Variants in RCL1 observed in about 807,000 individuals in gnomAD.
RCL1 encodes RNA 3'-terminal phosphate cyclase-like protein.
RCL1 carries 24 observed loss-of-function variants against 42.4 expected under a neutral mutation model. That is an observed-to-expected ratio of 0.57 (90% CI 0.41 to 0.80). RCL1 has a LOEUF of 0.80. Ranked by LOEUF, RCL1 falls within the 30% of genes least tolerant of loss-of-function variation. The pLI is 0.00. For synonymous variants in RCL1, 228 were observed against 177.3 expected, an observed-to-expected ratio of 1.29 and a Z score of -2.27; for missense variants, 578 against 467.9, an observed-to-expected ratio of 1.24 and a Z score of -2.17.
chr9:4,828,897 G>A (rs971291762), intron 3 of RCL1, among the ~76,000 whole-genome samples: 20 of 152,322 alleles, frequency 1.3e-4, no homozygotes, highest in African/African-American at 4.6e-4. Flanking sequence ...ACCTTGGTTG[G>A]TATCTGGCTC....
chr9:4,831,198 A>T lies in RCL1; in HGVS notation c.385-1956A>T, dbSNP rs7855583. On this transcript the variant is annotated intron_variant, in intron 3 of 8. Transcript: ENST00000381750. ...ATATGGAGAGTGATAAAGGGACAGG[A>T]CTACACCTGGAATTACCCTTGGGCT... 2.0e-3 allele frequency among the ~76,000 whole-genome samples: 301 copies of T among 152,262 alleles called. 1 individual carries two copies. The highest frequency in any genetic ancestry group is 6.9e-3 in the African/African-American group (285 of 41,550).
intron 5 of RCL1, among the ~76,000 whole-genome samples, chr9:4,837,234 T>C (rs1817169812): frequency 6.6e-6 from 1 of 152,184 alleles, no homozygotes. Context: ...CCACCATATA[T>C]AGAACCCAAA....
chr9:4,817,794 G>C (rs531772129), intron 1 of RCL1, among the ~76,000 whole-genome samples: 113 of 151,756 alleles, frequency 7.4e-4, no homozygotes, highest in Non-Finnish European at 1.3e-3. Context: ...ACCACACCCA[G>C]CTTTATTTTT....
chr9:4,837,053 C>G (rs915721073), intron 5 of RCL1, among the ~76,000 whole-genome samples: 6 of 152,062 alleles, frequency 3.9e-5, no homozygotes, highest in Non-Finnish European at 5.9e-5. Context: ...GTTACATTGC[C>G]CAGGTGACTT....
intron 1 of RCL1, among the ~76,000 whole-genome samples, chr9:4,813,751 C>A (rs149923668): frequency 2.6e-5 from 4 of 152,140 alleles, no homozygotes; most frequent in African/African-American, 4.8e-5. Context: ...ATGTTTATTG[C>A]GGCACTATTC....
intron 4 of RCL1, 123 bp downstream of exon 4, chr9:4,833,351 C>A: frequency 1.4e-6 from 1 of 719,368 alleles, no homozygotes; most frequent in Non-Finnish European, 2.5e-6. Context: ...TATCAGAAGA[C>A]TCACAGGGCT....
At position 4,849,569 on chromosome 9, in the gene RCL1, A is replaced by G. The variant is rs751738676; in HGVS notation, c.971+19A>G. On this transcript the variant is annotated intron_variant, in intron 8 of 8. Transcript: ENST00000381750. The stretch of plus-strand genomic sequence containing the variant: ...CCTACACGTAAGTTATTCTTTTTCA[A>G]CCTCGTTATTCTGTCCAGTGTAATT... 1.3e-6 allele frequency: 2 copies of G among 1,562,950 alleles called. No individual in the cohort carries two copies. Among genetic ancestry groups the G allele is most frequent in the East Asian group, 4.5e-5 (2 of 44,628 alleles).
At chr9:4,805,095 A>G (rs921558936) in intron 1 of RCL1, 1 of 152,550 alleles carries the variant, frequency 6.6e-6, no homozygotes. Context: ...CAGGAGCCCG[A>G]AGCAGCAGGG....
chr9:4,827,131 A>G lies in RCL1; in HGVS notation c.384+98A>G, dbSNP rs1367129844. 3 of 1,570,432 alleles carry G rather than the reference A, an allele frequency of 1.9e-6. No homozygotes were observed. In the African/African-American group the frequency reaches 4.1e-5, roughly 21 times the overall value. On this transcript the variant is annotated intron_variant, in intron 3 of 8. Transcript: ENST00000381750. ...GTTCCTTATAAGGCACAGTTTTATTACAAATGTATATTGCTTTTGTTATTT... is the reference window on the plus strand; with the variant it reads ...GTTCCTTATAAGGCACAGTTTTATTGCAAATGTATATTGCTTTTGTTATTT...
intron 4 of RCL1, among the ~76,000 whole-genome samples, chr9:4,833,666 C>G (rs965509199): frequency 6.6e-6 from 1 of 152,158 alleles, no homozygotes; most frequent in Non-Finnish European, 1.5e-5. Context: ...GTAGTTTAAG[C>G]ATCTGTATTT....
intron 8 of RCL1, among the ~76,000 whole-genome samples, chr9:4,857,275 C>G (rs2129751146): frequency 6.6e-6 from 1 of 152,302 alleles, no homozygotes; most frequent in Non-Finnish European, 1.5e-5. Context: ...TCTCCCCAGC[C>G]CCAGGCAACC....
intron 6 of RCL1, among the ~76,000 whole-genome samples, chr9:4,842,838 A>T (rs1342908887): frequency 6.6e-6 from 1 of 152,220 alleles, no homozygotes; most frequent in East Asian, 1.9e-4. Context: ...CTTCATCTCG[A>T]TAGTCCCTTC....
At chr9:4,854,704 A>G (rs796785376) in intron 8 of RCL1, among the ~76,000 whole-genome samples, 7 of 152,304 alleles carry the variant, frequency 4.6e-5, no homozygotes, top group African/African-American at 1.7e-4. Flanking sequence ...CCATGACCAC[A>G]AGCCTCATGG....
rs541895996 is a variant in RCL1, at chr9:4,793,394, G to C, written c.136+167G>C. 8.0e-3 allele frequency among the ~76,000 whole-genome samples: 1,223 copies of C among 152,236 alleles called. 12 individuals are homozygous for C. Among genetic ancestry groups the C allele is most frequent in the Non-Finnish European group, 0.012 (824 of 68,004 alleles). ...CAAAGCCGGAGGGGCAGGCACAGTGGGGGAGGCGGGGTCGGGGCCCGAGGG... is the reference window on the plus strand; with the variant it reads ...CAAAGCCGGAGGGGCAGGCACAGTGCGGGAGGCGGGGTCGGGGCCCGAGGG... On this transcript the variant is annotated intron_variant, in intron 1 of 8. Coordinates refer to ENST00000381750, the MANE Select transcript of RCL1 (RefSeq NM_005772.5).
At chr9:4,809,105 G>GTTTT (rs34982022) in intron 1 of RCL1, among the ~76,000 whole-genome samples, 1 of 144,954 alleles carries the variant, frequency 6.9e-6, no homozygotes, top group Non-Finnish European at 1.5e-5. Context: ...GCTTCTTAAG[G>GTTTT]TTTTTTTTTT....
At position 4,852,350 on chromosome 9, in the gene RCL1, C is replaced by T. The variant is rs115546056; in HGVS notation, c.971+2800C>T. Among the ~76,000 whole-genome samples the T allele has an allele frequency of 2.4e-3, 358 of 152,226 alleles. 1 individual carries two copies. The highest frequency in any genetic ancestry group is 6.4e-3 in the African/African-American group (267 of 41,534). On this transcript the variant is annotated intron_variant, in intron 8 of 8. Coordinates refer to ENST00000381750, the MANE Select transcript of RCL1 (RefSeq NM_005772.5). The stretch of plus-strand genomic sequence containing the variant: ...CCTCCATTCAACAAGCTTAATTTTA[C>T]AGTTTAGGGAGGGAGGATTTATACT...
At chr9:4,840,675 A>G (rs1356565781) in intron 5 of RCL1, among the ~76,000 whole-genome samples, 1 of 152,184 alleles carries the variant, frequency 6.6e-6, no homozygotes, top group South Asian at 2.1e-4. Context: ...AATGAGAAAA[A>G]CCTTTTTATA....
At chr9:4,855,991 G>C (rs1817947667) in intron 8 of RCL1, among the ~76,000 whole-genome samples, 2 of 152,310 alleles carry the variant, frequency 1.3e-5, no homozygotes, top group Non-Finnish European at 2.9e-5. Context: ...GCACAGTTGA[G>C]TGATTCAGAG....
At chr9:4,817,050 C>G (rs1042899329) in intron 1 of RCL1, among the ~76,000 whole-genome samples, 12 of 152,208 alleles carry the variant, frequency 7.9e-5, no homozygotes, top group African/African-American at 2.7e-4. Context: ...ATCTCCTGAC[C>G]TTGTAATCCG....
Sources: gnomAD v4.1 joint callset for allele counts (sites outside exome capture counted in the v4.1 genomes callset) on GRCh38, gnomAD v4.1.1 for gene constraint, MANE v1.5 for transcripts, NCBI Gene and HGNC (gene_info 2026-07-23, HGNC 2026-07-21) for gene names.